Variants in YWHAE observed in about 807,000 individuals in gnomAD.
YWHAE encodes the protein tyrosine 3-monooxygenase/tryptophan 5-monooxygenase activation protein epsilon.
A neutral mutation model predicts 30.1 loss-of-function variants in YWHAE; 4 were observed. The ratio of observed to expected loss-of-function variants is 0.13; its 90% CI spans 0.07 to 0.30. The LOEUF (loss-of-function observed/expected upper bound fraction) is 0.30, where lower values mean the gene tolerates loss of function less well. Ranked by LOEUF, YWHAE falls within the 10% of genes least tolerant of loss-of-function variation. YWHAE has a pLI of 1.00. For synonymous variants in YWHAE, 118 were observed against 111.8 expected (o/e 1.06, Z -0.35); for missense variants, 121 against 315.9 (o/e 0.38, Z 4.68).
chr17:1,358,469 G>C (rs957942773), intron 4 of YWHAE, among the ~76,000 whole-genome samples: 1 of 151,786 alleles, frequency 6.6e-6, no homozygotes, highest in African/African-American at 2.4e-5. Flanking sequence ...TCGATCTCCT[G>C]ACCTCGTGAT....
intron 4 of YWHAE, among the ~76,000 whole-genome samples, chr17:1,359,151 GA>G (rs998119156): frequency 4.3e-4 from 62 of 143,494 alleles, no homozygotes; most frequent in South Asian, 6.7e-4. Context: ...AAAGAAAAAA[GA>G]AAAAAAAAAG....
rs1567962563 is a variant in YWHAE, at chr17:1,359,936, G to GGGGGAGGGGGGGAGA, written c.578+1155_578+1156insTCTCCCCCCCTCCCC. The stretch of plus-strand genomic sequence containing the variant: ...GAGACGGGGAGGGGGAGGGGGGGAG[G>GGGGGAGGGGGGGAGA]AGGGGGAGGGGGGGAGAGAGGGGGA... On this transcript the variant is annotated intron_variant, in intron 4 of 5. Transcript: ENST00000264335. Among the ~76,000 whole-genome samples, 5 of 47,812 alleles carry GGGGGAGGGGGGGAGA rather than the reference G, an allele frequency of 1.0e-4. No individual in the cohort carries two copies. In the South Asian group the frequency reaches 4.5e-3, roughly 43 times the overall value. The allele number at this position is 47,812 out of a possible 152,430, so 31.4% of individuals were successfully genotyped here.
chr17:1,372,930 T>C (rs2150861389), intron 1 of YWHAE, among the ~76,000 whole-genome samples: 1 of 151,810 alleles, frequency 6.6e-6, no homozygotes, highest in East Asian at 1.9e-4. Context: ...AGTGAGACCC[T>C]GTCTCCAAAA....
At chr17:1,359,809 T>C (rs976146460) in intron 4 of YWHAE, among the ~76,000 whole-genome samples, 2 of 117,368 alleles carry the variant, frequency 1.7e-5, no homozygotes. Context: ...TGCCACTAAA[T>C]TGTTGTGTGT....
intron 1 of YWHAE, among the ~76,000 whole-genome samples, chr17:1,375,246 T>G (rs936061325): frequency 3.6e-4 from 55 of 152,158 alleles, no homozygotes; most frequent in African/African-American, 1.3e-3. Context: ...AACATAATAC[T>G]AATGATAATG....
In YWHAE at chr17:1,370,119, C is replaced by CTT. The variant is rs538497835; in HGVS notation, c.65-5063_65-5062dup. Among the ~76,000 whole-genome samples, 380 of 76,382 alleles carry CTT rather than the reference C, an allele frequency of 5.0e-3. 20 individuals are homozygous for CTT. Among genetic ancestry groups the CTT allele is most frequent in the East Asian group, 0.016 (31 of 1,986 alleles). 50.1% of individuals were successfully genotyped at this position (76,382 alleles called of 152,430 possible). The stretch of plus-strand genomic sequence containing the variant: ...TGGACAGCATTTACCCACAGAAAAA[C>CTT]TTTTTTTTTTTTTTTTTTTTTTTTT... On this transcript the variant is annotated intron_variant, in intron 1 of 5. Coordinates refer to ENST00000264335, the MANE Select transcript of YWHAE (RefSeq NM_006761.5).
chr17:1,347,096 G>T lies in YWHAE; in HGVS notation c.716-1597C>A, dbSNP rs1041910880. Reference sequence around the variant, plus strand: ...TAATACCAGCACTTTGGGAGGCCAAGAGAGGTGGATCATGAGGTCAGGAGA... The same window carrying T: ...TAATACCAGCACTTTGGGAGGCCAATAGAGGTGGATCATGAGGTCAGGAGA... On this transcript the variant is annotated intron_variant, in intron 5 of 5. Coordinates refer to ENST00000264335, the MANE Select transcript of YWHAE (RefSeq NM_006761.5). Among the ~76,000 whole-genome samples the T allele has an allele frequency of 8.8e-5, 13 of 147,880 alleles. 1 individual carries two copies. Among genetic ancestry groups the T allele is most frequent in the African/African-American group, 3.0e-4 (12 of 39,850 alleles).
intron 5 of YWHAE, among the ~76,000 whole-genome samples, chr17:1,348,692 T>C (rs1328948942): frequency 6.6e-6 from 1 of 152,130 alleles, no homozygotes; most frequent in African/African-American, 2.4e-5. Flanking sequence ...ACAGCCGAGA[T>C]TACAGGCAGG....
At chr17:1,348,286 G>C (rs1189146471) in intron 5 of YWHAE, among the ~76,000 whole-genome samples, 2 of 152,124 alleles carry the variant, frequency 1.3e-5, no homozygotes, top group Admixed American at 6.5e-5. Flanking sequence ...TGGAGAGAGG[G>C]GAACAGGCAG....
chr17:1,384,739 CTT>C (rs977307929), intron 1 of YWHAE, among the ~76,000 whole-genome samples: 2 of 151,900 alleles, frequency 1.3e-5, no homozygotes, highest in Non-Finnish European at 2.9e-5. Context: ...GAGTTTTTCT[CTT>C]GTTGCTCAGG....
chr17:1,380,501 A>G (rs1472235003), intron 1 of YWHAE, among the ~76,000 whole-genome samples: 1 of 152,210 alleles, frequency 6.6e-6, no homozygotes, highest in Non-Finnish European at 1.5e-5. Context: ...GAGGATATCC[A>G]GCCCTGAGTT....
chr17:1,374,132 G>T (rs1490294663), intron 1 of YWHAE, among the ~76,000 whole-genome samples: 1 of 151,990 alleles, frequency 6.6e-6, no homozygotes, highest in African/African-American at 2.4e-5. Context: ...CCAAAACATG[G>T]CAAAACCCCG....
At chr17:1,388,021 G>A (rs1281879871) in intron 1 of YWHAE, among the ~76,000 whole-genome samples, 1 of 145,860 alleles carries the variant, frequency 6.9e-6, no homozygotes, top group Non-Finnish European at 1.5e-5. Context: ...TGCCTCCCGG[G>A]TTCAAGTGAT....
rs1320656726 is a variant in YWHAE, at chr17:1,355,552, AAC to A, written c.579-1207_579-1206del. On this transcript the variant is annotated intron_variant, in intron 4 of 5. Transcript: ENST00000264335. ...CAGGGAAGCAAAGAAAATAAAAGGCAACACAGACGCCATGGAAATGTGATTAT... is the reference window on the plus strand; with the variant it reads ...CAGGGAAGCAAAGAAAATAAAAGGCAACAGACGCCATGGAAATGTGATTAT... Among the ~76,000 whole-genome samples, 9 of 152,314 alleles carry A rather than the reference AAC, an allele frequency of 5.9e-5. No homozygotes were observed. In the South Asian group the frequency reaches 1.9e-3, roughly 32 times the overall value.
intron 5 of YWHAE, among the ~76,000 whole-genome samples, chr17:1,349,958 A>ATT (rs35252983): frequency 0.43 from 62,034 of 145,412 alleles, 13,268 homozygotes; most frequent in Admixed American, 0.57. Flanking sequence ...ATTACCCTGT[A>ATT]TTTTTTTTTT....
At chr17:1,361,549 A>G (rs2072865353) in intron 3 of YWHAE, 1 of 455,314 alleles carries the variant, frequency 2.2e-6, no homozygotes, top group Admixed American at 3.9e-5. Flanking sequence ...CTAAAAATTA[A>G]TAAAATTATC....
chr17:1,373,475 C>T (rs1319679663), intron 1 of YWHAE, among the ~76,000 whole-genome samples: 1 of 151,524 alleles, frequency 6.6e-6, no homozygotes, highest in African/African-American at 2.4e-5. Flanking sequence ...ACCATCCTGG[C>T]TAACACGGTG....
chr17:1,359,974 G>A (rs1017555346), intron 4 of YWHAE, among the ~76,000 whole-genome samples: 12 of 146,040 alleles, frequency 8.2e-5, no homozygotes, highest in African/African-American at 2.5e-4. Context: ...GAGAGAGAGA[G>A]AGATTTGAAA....
intron 1 of YWHAE, among the ~76,000 whole-genome samples, chr17:1,375,202 C>G (rs753836448): frequency 3.9e-5 from 6 of 152,168 alleles, no homozygotes; most frequent in Non-Finnish European, 8.8e-5. Context: ...TCCAATATCA[C>G]TGTCATCTTT....
Sources: allele counts gnomAD v4.1 joint callset (sites outside exome capture counted in the v4.1 genomes callset), GRCh38; gene constraint gnomAD v4.1.1; transcripts MANE v1.5; gene names NCBI Gene and HGNC (gene_info 2026-07-23, HGNC 2026-07-21).